The following PLXDC1 variants were observed in gnomAD, a reference collection of about 807,000 sequenced individuals.
PLXDC1 encodes plexin domain containing 1.
A neutral mutation model predicts 61.3 loss-of-function variants in PLXDC1; 39 were observed. The observed-to-expected ratio is 0.64, with a 90% CI of 0.49 to 0.83. The LOEUF is 0.83. PLXDC1 is among the 40% of genes least tolerant of loss of function. The pLI is 0.00. For synonymous variants in PLXDC1, 212 were observed against 254.5 expected, an observed-to-expected ratio of 0.83 and a Z score of 1.59; for missense variants, 596 against 666.5, an observed-to-expected ratio of 0.89 and a Z score of 1.17.
chr17:39,086,516 G>A (rs1308776982), intron 8 of PLXDC1, among the ~76,000 whole-genome samples: 2 of 152,156 alleles, frequency 1.3e-5, no homozygotes, highest in Non-Finnish European at 2.9e-5. Flanking sequence ...ACTGAAGACC[G>A]GGCATGGTGG....
intron 9 of PLXDC1, chr17:39,079,738 C>T (rs972936621): frequency 3.9e-5 from 14 of 355,648 alleles, no homozygotes; most frequent in East Asian, 7.5e-5. Context: ...GGGGGCATGA[C>T]GATGCACCAG....
chr17:39,129,845 A>G (rs1460218426), intron 2 of PLXDC1, among the ~76,000 whole-genome samples: 3 of 152,234 alleles, frequency 2.0e-5, no homozygotes, highest in South Asian at 2.1e-4. Context: ...TGTTCACAGC[A>G]GCACTATTCA....
chr17:39,109,157 C>T (rs547094245), intron 3 of PLXDC1, 91 bp downstream of exon 3: 363 of 1,492,210 alleles, frequency 2.4e-4, no homozygotes, highest in Non-Finnish European at 2.8e-4. Context: ...TCACAGACCT[C>T]GGGCCACAGC....
chr17:39,102,498 T>C (rs1910455236), intron 7 of PLXDC1, among the ~76,000 whole-genome samples: 1 of 151,898 alleles, frequency 6.6e-6, no homozygotes, highest in South Asian at 2.1e-4. Context: ...TGAAAGTACC[T>C]ACTGTATTAT....
At chr17:39,078,150 A>C (rs1909414549) in intron 10 of PLXDC1, 102 bp from the exon 11 acceptor site, 1 of 1,188,282 alleles carries the variant, frequency 8.4e-7, no homozygotes, top group Non-Finnish European at 1.2e-6. Context: ...CAGCTGCTTC[A>C]AATCCTTCCT....
rs907320969 is a variant in PLXDC1, at chr17:39,095,903, G to A, written c.812-8201C>T. Among the ~76,000 whole-genome samples, 37 of 152,234 alleles carry A rather than the reference G, an allele frequency of 2.4e-4. 1 individual carries two copies. The highest frequency in any genetic ancestry group is 8.5e-4 in the Admixed American group (13 of 15,296). On this transcript the variant is annotated intron_variant, in intron 7 of 13. Coordinates refer to ENST00000315392, the MANE Select transcript of PLXDC1 (RefSeq NM_020405.5). ...TGGTCTCAAACTCCTGGCCTCAAAC[G>A]ATCCACCCGCCTCGGCCTCTCAAAG...
chr17:39,076,985 G>A (rs914712177), intron 11 of PLXDC1, among the ~76,000 whole-genome samples: 7 of 152,018 alleles, frequency 4.6e-5, no homozygotes, highest in Non-Finnish European at 7.4e-5. Flanking sequence ...CTCCCACCTC[G>A]GCCTTCCAAA....
At chr17:39,079,047 C>T (rs1598186040) in intron 10 of PLXDC1, 57 bp downstream of exon 10, 4 of 1,419,734 alleles carry the variant, frequency 2.8e-6, no homozygotes, top group Non-Finnish European at 4.0e-6. Context: ...CTACTGGCTG[C>T]CCTCCTGTTC....
chr17:39,135,672 C>G (rs112558565), intron 2 of PLXDC1, among the ~76,000 whole-genome samples: 1 of 144,814 alleles, frequency 6.9e-6, no homozygotes, highest in African/African-American at 2.5e-5. Flanking sequence ...AGCAACACTC[C>G]GTCTAAAAAA....
At chr17:39,068,409 G>A (rs1275166946) in intron 13 of PLXDC1, among the ~76,000 whole-genome samples, 1 of 152,240 alleles carries the variant, frequency 6.6e-6, no homozygotes, top group Non-Finnish European at 1.5e-5. Flanking sequence ...CTGTGCAGTG[G>A]CTTATGCCTG....
intron 12 of PLXDC1, 25 bp from the exon 13 acceptor site, chr17:39,070,041 CAG>C (rs1337772351): frequency 1.0e-5 from 16 of 1,588,698 alleles, no homozygotes; most frequent in African/African-American, 5.4e-5. Context: ...TTAGGGCAGA[CAG>C]GGGCTGCAGG....
chr17:39,128,091 C>G (rs201636183), intron 2 of PLXDC1, among the ~76,000 whole-genome samples: 2,683 of 63,426 alleles, frequency 0.042, 216 homozygotes, highest in African/African-American at 0.082. Context: ...CTCTCTCTCT[C>G]TATGTGTATA....
At chr17:39,079,245 T>C (rs1909461951) in intron 9 of PLXDC1, 81 bp from the exon 10 acceptor site, 1 of 1,220,282 alleles carries the variant, frequency 8.2e-7, no homozygotes, top group African/African-American at 1.5e-5. Flanking sequence ...AACAGCTCTC[T>C]GCTGATAGTG....
At chr17:39,108,093 G>A (rs2143673938) in intron 5 of PLXDC1, 30 bp downstream of exon 5, 1 of 1,613,864 alleles carries the variant, frequency 6.2e-7, no homozygotes. Flanking sequence ...CCTGGAGCTG[G>A]GTGACTTAAA....
intron 2 of PLXDC1, among the ~76,000 whole-genome samples, chr17:39,115,689 G>A (rs1910944273): frequency 6.6e-6 from 1 of 152,198 alleles, no homozygotes. Flanking sequence ...GGAGGAAGGA[G>A]AAGGGAAGCT....
Position 39,098,202 on chromosome 17 carries a change from T to G in PLXDC1, c.811+7652A>C, listed in dbSNP as rs891981600. On this transcript the variant is annotated intron_variant, in intron 7 of 13. Transcript: ENST00000315392. ...CCTGGGCAACAAGAGTGAAACTCCA[T>G]CTCAAAAAAAAAAAAAAAAAAAAAA... Among the ~76,000 whole-genome samples, 3 of 49,018 alleles carry G rather than the reference T, an allele frequency of 6.1e-5. No homozygotes were observed. In the Admixed American group the frequency reaches 9.9e-4, roughly 16 times the overall value. The allele number at this position is 49,018 out of a possible 152,430, so 32.2% of individuals were successfully genotyped here.
chr17:39,152,718 CAGG>C, upstream of PLXDC1: 1 of 1,219,546 alleles, frequency 8.2e-7, no homozygotes, highest in Non-Finnish European at 1.0e-6. Flanking sequence ...TGGGCGGGGA[CAGG>C]AGAAGGTACA....
chr17:39,144,249 T>A (rs1192590399), intron 1 of PLXDC1, among the ~76,000 whole-genome samples: 1 of 152,060 alleles, frequency 6.6e-6, no homozygotes, highest in Admixed American at 6.6e-5. Flanking sequence ...TCCTCTCTAA[T>A]CCTCAGCTCC....
chr17:39,139,736 G>A lies in PLXDC1; in HGVS notation c.173C>T (p.Pro58Leu), dbSNP rs1156384648. The change falls in exon 2 of 14, where the codon CCG becomes CTG. Residue 58 changes from proline to leucine, a missense_variant. Coordinates refer to ENST00000315392, the MANE Select transcript of PLXDC1 (RefSeq NM_020405.5). ...GTCCTGGCTCAGCTGGGTCCTGTCC[G>A]GCTCTGACACATGCCCAGGGCTCTC... ...ARESPGHVSE[P>L]DRTQLSQDLG... 11 of 1,613,978 alleles carry A rather than the reference G, an allele frequency of 6.8e-6. No individual in the cohort carries two copies. Among genetic ancestry groups the A allele is most frequent in the Middle Eastern group, 1.7e-4 (1 of 5,992 alleles).
Sources: gnomAD v4.1 joint callset for allele counts (sites outside exome capture counted in the v4.1 genomes callset) on GRCh38, gnomAD v4.1.1 for gene constraint, MANE v1.5 for transcripts, NCBI Gene and HGNC (gene_info 2026-07-23, HGNC 2026-07-21) for gene names.